STARD8: variants seen among roughly 807,000 people sequenced by gnomAD.
STARD8 encodes the protein stAR-related lipid transfer protein 8.
Under a neutral mutation model 69.4 loss-of-function variants are expected in STARD8, and 25 were observed. The observed-to-expected ratio is 0.36, with a 90% CI of 0.26 to 0.50. The LOEUF (loss-of-function observed/expected upper bound fraction) is 0.50, where lower values mean the gene tolerates loss of function less well. Ranked by LOEUF, STARD8 falls within the 20% of genes least tolerant of loss-of-function variation. The pLI is 0.96. For missense variants in STARD8, 921 were observed against 932.5 expected, an observed-to-expected ratio of 0.99 and a Z score of 0.16; for synonymous variants, 389 against 374.6, an observed-to-expected ratio of 1.04 and a Z score of -0.45.
intron 2 of STARD8, among the ~76,000 whole-genome samples, chrX:68,706,416 G>T (rs766442382): frequency 8.9e-6 from 1 of 111,807 alleles, no homozygotes; most frequent in African/African-American, 3.3e-5. Flanking sequence ...CCGCCCCATA[G>T]ATAGGGCACT....
chrX:68,697,253 A>T (rs1201317759), intron 2 of STARD8, among the ~76,000 whole-genome samples: 1 of 112,164 alleles, frequency 8.9e-6, no homozygotes. Flanking sequence ...CTGGACGTCC[A>T]TTCTGCCCTG....
At chrX:68,654,589 A>G (rs1245001183) in intron 1 of STARD8, among the ~76,000 whole-genome samples, 2 of 111,702 alleles carry the variant, frequency 1.8e-5, no homozygotes, top group Non-Finnish European at 3.8e-5. Context: ...TCGCCCAGGC[A>G]CACATTCTCA....
intron 1 of STARD8, among the ~76,000 whole-genome samples, chrX:68,655,274 G>A (rs1435017239): frequency 8.9e-6 from 1 of 111,991 alleles, no homozygotes; most frequent in Non-Finnish European, 1.9e-5. Flanking sequence ...ATGTACATGT[G>A]CACATATGAG....
chrX:68,693,011 C>T (rs1459596242), intron 2 of STARD8, among the ~76,000 whole-genome samples: 2 of 113,082 alleles, frequency 1.8e-5, no homozygotes, highest in Non-Finnish European at 3.7e-5. Context: ...TTGTTTCTTA[C>T]TGAATTTGAA....
At position 68,665,538 on chromosome X, in the gene STARD8, T is replaced by C. The variant is rs1015253142; in HGVS notation, c.79+6T>C. ...GCAGGTGAAGAAGAACGCTGGTAAG[T>C]ACACGAGGTGGGCATTGCAAGTGGC... On this transcript the variant is annotated splice_donor_region_variant and intron_variant, in intron 2 of 14. Transcript: ENST00000374599. 1 of 1,207,554 alleles carries C rather than the reference T, an allele frequency of 8.3e-7. No individual in the cohort carries two copies. The highest frequency in any genetic ancestry group is 1.1e-6 in the Non-Finnish European group (1 of 893,353).
chrX:68,706,536 C>A (rs912825803), intron 2 of STARD8, among the ~76,000 whole-genome samples: 6 of 111,938 alleles, frequency 5.4e-5, no homozygotes, highest in African/African-American at 1.6e-4. Flanking sequence ...TTCCCACTGT[C>A]CCCCAGGGAG....
At chrX:68,689,486 G>A (rs1177397841) in intron 2 of STARD8, among the ~76,000 whole-genome samples, 1 of 112,475 alleles carries the variant, frequency 8.9e-6, no homozygotes, top group Non-Finnish European at 1.9e-5. Context: ...GGTGTTGGTT[G>A]AGGAGAGATG....
intron 2 of STARD8, among the ~76,000 whole-genome samples, chrX:68,678,586 T>C (rs1004030626): frequency 8.9e-5 from 10 of 112,033 alleles, no homozygotes; most frequent in African/African-American, 2.9e-4. Flanking sequence ...TTTTCCACTG[T>C]CCACTGTTTG....
intron 2 of STARD8, among the ~76,000 whole-genome samples, chrX:68,698,587 G>GGACCCA (rs3838387): frequency 1.3e-3 from 142 of 107,019 alleles, no homozygotes; most frequent in East Asian, 3.3e-3. Flanking sequence ...GGTCGGGCCA[G>GGACCCA]GACCCAGACC....
In STARD8 at chrX:68,719,375, G is replaced by A. The variant is rs1283076939; in HGVS notation, c.1866G>A (p.Val622=). 2.5e-6 allele frequency: 3 copies of A among 1,186,604 alleles called. No individual in the cohort carries two copies. Among genetic ancestry groups the A allele is most frequent in the African/African-American group, 3.5e-5 (2 of 57,327 alleles). The change falls in exon 7 of 15, where the codon GTG becomes GTA. Residue 622 remains valine, a synonymous_variant. Coordinates refer to ENST00000374599, the MANE Select transcript of STARD8 (RefSeq NM_001142503.3). ...RLTAFMEKYT[V]PHKQGWVWSM... ...CCGCGTTCATGGAGAAGTACACTGT[G>A]CCCCACAAGCAGGGCTGGGTCTGGT...
rs1307940859 is a variant in STARD8 at position 68,652,404 on chromosome X, C to T, written c.45+4477C>T. Among the ~76,000 whole-genome samples, 3 of 111,284 alleles carry T rather than the reference C, an allele frequency of 2.7e-5. No individual in the cohort carries two copies. The East Asian group carries it at 8.4e-4, about 31-fold the overall frequency. ...CCATTTGGGAGATGAAGGCTGACAC[C>T]CCAGAAGCCAGGGATGGTGGGAAGG... On this transcript the variant is annotated intron_variant, in intron 1 of 14. Coordinates refer to ENST00000374599, the MANE Select transcript of STARD8 (RefSeq NM_001142503.3).
intron 2 of STARD8, among the ~76,000 whole-genome samples, chrX:68,709,688 G>T (rs1455485622): frequency 9.1e-6 from 1 of 110,178 alleles, no homozygotes. Flanking sequence ...GTGTGGTGTG[G>T]TGGATGCTAT....
rs2080181344 is a variant in STARD8 at position 68,724,393 on chromosome X, C to A, written c.3283C>A (p.Gln1095Lys). Reference sequence around the variant, plus strand: ...GATCCGGGACTCCTTCCCCACCCTGCAGGCAGCGGGCCCTGAGACAAAGCT... The same window carrying A: ...GATCCGGGACTCCTTCCCCACCCTGAAGGCAGCGGGCCCTGAGACAAAGCT... ...AKIRDSFPTLQAAGPETKL is the reference protein window; with the variant it reads ...AKIRDSFPTLKAAGPETKL Residue 1095 changes from glutamine to lysine, a missense_variant, in exon 15 of 15, where the codon CAG becomes AAG. Transcript: ENST00000374599. 2 of 1,203,244 alleles carry A rather than the reference C, an allele frequency of 1.7e-6. No homozygotes were observed. Among genetic ancestry groups the A allele is most frequent in the African/African-American group, 1.7e-5 (1 of 57,188 alleles).
rs749209006 is a variant in STARD8, at chrX:68,715,300, C to T, written c.158C>T (p.Ser53Leu). 1.3e-5 allele frequency: 16 copies of T among 1,204,911 alleles called. No individual in the cohort carries two copies. The African/African-American group carries it at 1.6e-4, about 12-fold the overall frequency. The change falls in exon 4 of 15, where the codon TCG becomes TTG. Residue 53 changes from serine to leucine, a missense_variant. Transcript: ENST00000374599. Reference protein sequence around the residue: ...PQYVQLFEEGSFPLDIGSVKK... With the variant: ...PQYVQLFEEGLFPLDIGSVKK... ...GCTTCTCTCTGCCATACAGAAGGTT[C>T]GTTTCCCCTGGATATTGGCTCTGTG... is the stretch of plus-strand genomic sequence containing the variant.
At chrX:68,685,045 A>G (rs2079822963) in intron 2 of STARD8, among the ~76,000 whole-genome samples, 1 of 112,411 alleles carries the variant, frequency 8.9e-6, no homozygotes, top group Admixed American at 9.4e-5. Context: ...GGGTGCAAAT[A>G]TCATGCAAAT....
intron 1 of STARD8, among the ~76,000 whole-genome samples, chrX:68,652,796 A>C (rs1200600581): frequency 7.6e-4 from 28 of 36,844 alleles, no homozygotes; most frequent in South Asian, 1.7e-3. Context: ...ACACACACAC[A>C]CCACACACCA....
intron 2 of STARD8, among the ~76,000 whole-genome samples, chrX:68,691,739 C>T (rs182474542): frequency 1.9e-3 from 211 of 111,627 alleles, no homozygotes; most frequent in African/African-American, 6.6e-3. Context: ...CATACTATAC[C>T]CTCCTCCTTT....
intron 1 of STARD8, among the ~76,000 whole-genome samples, chrX:68,653,323 C>T (rs1259560584): frequency 6.2e-5 from 3 of 48,286 alleles, no homozygotes; most frequent in African/African-American, 2.5e-4. Context: ...ACACACCACA[C>T]ACACACACCC....
At chrX:68,692,993 G>A (rs1304242159) in intron 2 of STARD8, among the ~76,000 whole-genome samples, 1 of 113,104 alleles carries the variant, frequency 8.8e-6, no homozygotes, top group African/African-American at 3.2e-5. Flanking sequence ...AATCAAAGCC[G>A]AAGGCTCTTG....
Sources: allele counts gnomAD v4.1 joint callset (sites outside exome capture counted in the v4.1 genomes callset), GRCh38; gene constraint gnomAD v4.1.1; transcripts MANE v1.5; gene names NCBI Gene and HGNC (gene_info 2026-07-23, HGNC 2026-07-21).